PRDM16: variants seen among roughly 807,000 people sequenced by gnomAD.
The protein encoded by PRDM16 is PR/SET domain 16, also known as histone-lysine N-methyltransferase PRDM16.
A neutral mutation model predicts 110.6 loss-of-function variants in PRDM16; 23 were observed. That is an observed-to-expected ratio of 0.21 (90% CI 0.15 to 0.29). The LOEUF is 0.29. Ranked by LOEUF, PRDM16 falls within the 10% of genes least tolerant of loss-of-function variation. The pLI, the probability that PRDM16 is intolerant of heterozygous loss-of-function variation, is 1.00. For missense variants in PRDM16, 1,615 were observed against 1,794.3 expected, an observed-to-expected ratio of 0.90 and a Z score of 1.81; for synonymous variants, 799 against 781.8, an observed-to-expected ratio of 1.02 and a Z score of -0.37.
At chr1:3,197,434 C>T (rs963431037) in intron 2 of PRDM16, among the ~76,000 whole-genome samples, 12 of 152,220 alleles carry the variant, frequency 7.9e-5, no homozygotes, top group African/African-American at 2.7e-4. Context: ...CCTAGAGGAG[C>T]GTGCCCCATG....
At chr1:3,325,532 C>T (rs1420870199) in intron 3 of PRDM16, among the ~76,000 whole-genome samples, 4 of 152,220 alleles carry the variant, frequency 2.6e-5, no homozygotes, top group East Asian at 3.8e-4. Context: ...GTGCCCTGGG[C>T]GGCTCTCAGG....
At chr1:3,105,497 CCTT>C (rs1373109404) in intron 1 of PRDM16, among the ~76,000 whole-genome samples, 1 of 152,232 alleles carries the variant, frequency 6.6e-6, no homozygotes, top group Non-Finnish European at 1.5e-5. Flanking sequence ...GAAAGGGAAC[CCTT>C]GGACGGTCAC....
At chr1:3,200,579 T>C (rs1638597710) in intron 2 of PRDM16, among the ~76,000 whole-genome samples, 1 of 152,228 alleles carries the variant, frequency 6.6e-6, no homozygotes, top group African/African-American at 2.4e-5. Context: ...TCTGACCCTG[T>C]GATCTGCCCG....
chr1:3,334,073 A>G (rs1158283426), intron 3 of PRDM16, among the ~76,000 whole-genome samples: 1 of 152,248 alleles, frequency 6.6e-6, no homozygotes, highest in Non-Finnish European at 1.5e-5. Context: ...GACCTGGCAC[A>G]GGATTTATTT....
intron 1 of PRDM16, among the ~76,000 whole-genome samples, chr1:3,150,676 C>G (rs1294369082): frequency 6.6e-6 from 1 of 152,180 alleles, no homozygotes; most frequent in Non-Finnish European, 1.5e-5. Flanking sequence ...ATCTCTGGTG[C>G]ACACCTGCCC....
At position 3,399,828 on chromosome 1, in the gene PRDM16, A is replaced by G. The variant is rs149459427; in HGVS notation, c.677-2963A>G. Reference sequence around the variant, plus strand: ...ATGATTGTTCTTCATTGGGTCCAGAAAGAGTAAAATAAAAGCTGGCATTTC... The same window carrying G: ...ATGATTGTTCTTCATTGGGTCCAGAGAGAGTAAAATAAAAGCTGGCATTTC... On this transcript the variant is annotated intron_variant, in intron 5 of 16. Coordinates refer to ENST00000270722, the MANE Select transcript of PRDM16 (RefSeq NM_022114.4). Among the ~76,000 whole-genome samples the G allele has an allele frequency of 1.3e-3, 196 of 152,330 alleles. 1 individual carries two copies. The highest frequency in any genetic ancestry group is 2.1e-3 in the Non-Finnish European group (141 of 68,028).
At chr1:3,203,590 C>G (rs10909898) in intron 2 of PRDM16, among the ~76,000 whole-genome samples, 14,031 of 152,180 alleles carry the variant, frequency 0.092, 875 homozygotes, top group Admixed American at 0.13. Context: ...CCCGGGGGGG[C>G]CAGGGTGTGG....
chr1:3,397,249 G>C (rs374869301), intron 5 of PRDM16, among the ~76,000 whole-genome samples: 120 of 152,364 alleles, frequency 7.9e-4, no homozygotes, highest in African/African-American at 2.6e-3. Flanking sequence ...GAGTCGCCCC[G>C]CTCTTCCAGA....
rs980911313 is a variant in PRDM16, at chr1:3,246,434, C to T, written c.438+2297C>T. On this transcript the variant is annotated intron_variant, in intron 3 of 16. Transcript: ENST00000270722. The surrounding 1 kb of genome is among the most constrained non-coding windows in gnomAD (Gnocchi z 5.2). ...ATGCACGAGACCCCCCACGGCACCG[C>T]CGCGACTGCAGGGAGCTCAGCGCAG... Among the ~76,000 whole-genome samples the T allele has an allele frequency of 3.9e-5, 6 of 152,218 alleles. No homozygotes were observed. The highest frequency in any genetic ancestry group is 1.5e-5 in the Non-Finnish European group (1 of 68,036).
intron 2 of PRDM16, among the ~76,000 whole-genome samples, chr1:3,200,482 A>C (rs896190260): frequency 2.6e-5 from 4 of 152,276 alleles, no homozygotes; most frequent in African/African-American, 7.2e-5. Context: ...AGCTGGGACT[A>C]CAGGCGCCCG....
intron 2 of PRDM16, among the ~76,000 whole-genome samples, chr1:3,222,322 T>C (rs1386557916): frequency 1.9e-4 from 29 of 152,026 alleles, no homozygotes; most frequent in Non-Finnish European, 3.5e-4. Flanking sequence ...TGAGATGTAT[T>C]TTCCAGCGTT....
rs1642539073 is a variant in PRDM16 at position 3,353,706 on chromosome 1, G to A, written c.439-31446G>A. On this transcript the variant is annotated intron_variant, in intron 3 of 16. Transcript: ENST00000270722. This position sits in a 1 kb window ranked among gnomAD's most constrained non-coding sequence, Gnocchi z 5.4. ...AGGACAATCCTAGCTCAGGCTGGTG[G>A]AGGTTTGGGGATGCCGAAGCAGCCA... 6.6e-6 allele frequency among the ~76,000 whole-genome samples: 1 copy of A among 152,206 alleles called. No homozygotes were observed. Among genetic ancestry groups the A allele is most frequent in the African/African-American group, 2.4e-5 (1 of 41,468 alleles).
rs1166763245 is a variant in PRDM16 at position 3,081,243 on chromosome 1, G to C, written c.37+11947G>C. ...TTACGGCGGCGGGACTTGGGTTCGA[G>C]GCCCCTCGCGGCTGTACCCCGAGTC... On this transcript the variant is annotated intron_variant, in intron 1 of 16. Coordinates refer to ENST00000270722, the MANE Select transcript of PRDM16 (RefSeq NM_022114.4). The surrounding 1 kb of genome is among the most constrained non-coding windows in gnomAD (Gnocchi z 4.6). 2.0e-5 allele frequency among the ~76,000 whole-genome samples: 3 copies of C among 152,232 alleles called. No homozygotes were observed. The highest frequency in any genetic ancestry group is 7.2e-5 in the African/African-American group (3 of 41,462).
At chr1:3,281,048 G>A (rs953028428) in intron 3 of PRDM16, among the ~76,000 whole-genome samples, 5 of 152,186 alleles carry the variant, frequency 3.3e-5, no homozygotes, top group Non-Finnish European at 7.3e-5. Context: ...GTTCAACACC[G>A]GGCAAGTCCC....
intron 3 of PRDM16, among the ~76,000 whole-genome samples, chr1:3,374,877 G>A (rs1304451647): frequency 6.6e-6 from 1 of 152,218 alleles, no homozygotes; most frequent in African/African-American, 2.4e-5. Flanking sequence ...GGAGCAGCCA[G>A]GCGGGGGAGC....
At chr1:3,219,340 G>T (rs919754893) in intron 2 of PRDM16, among the ~76,000 whole-genome samples, 2 of 152,248 alleles carry the variant, frequency 1.3e-5, no homozygotes, top group Non-Finnish European at 2.9e-5. Flanking sequence ...TCTAAAGAGG[G>T]TCAGGGCAGC....
rs1638764177 is a variant in PRDM16, at chr1:3,206,878, G to C, written c.387+20404G>C. ...CCTGGGACCTGTGCAGCTGGGTGGA[G>C]TAGAAAGGGATGAAAGGAGGAGGGG... On this transcript the variant is annotated intron_variant, in intron 2 of 16. Coordinates refer to ENST00000270722, the MANE Select transcript of PRDM16 (RefSeq NM_022114.4). The surrounding 1 kb of genome is among the most constrained non-coding windows in gnomAD (Gnocchi z 4.9). 6.6e-6 allele frequency: 1 copy of C among 152,540 alleles called. No individual in the cohort carries two copies. The highest frequency in any genetic ancestry group is 2.1e-4 in the South Asian group (1 of 4,834). The allele number at this position is 152,540 out of a possible 1,614,324, so 9.4% of individuals were successfully genotyped here.
At chr1:3,373,166 G>T (rs944402628) in intron 3 of PRDM16, among the ~76,000 whole-genome samples, 1 of 152,194 alleles carries the variant, frequency 6.6e-6, no homozygotes, top group Admixed American at 6.5e-5. Flanking sequence ...TTGGGAGCAC[G>T]GGGGTTAGGG....
intron 3 of PRDM16, among the ~76,000 whole-genome samples, chr1:3,334,939 G>A (rs142270479): frequency 1.0e-3 from 152 of 152,314 alleles, no homozygotes; most frequent in Middle Eastern, 3.4e-3. Flanking sequence ...GGCCATCCAC[G>A]CGTCCAACCC....
Sources: allele counts gnomAD v4.1 joint callset (sites outside exome capture counted in the v4.1 genomes callset), GRCh38; gene constraint gnomAD v4.1.1; non-coding constraint Gnocchi (gnomAD v3.1); transcripts MANE v1.5; gene names NCBI Gene and HGNC (gene_info 2026-07-23, HGNC 2026-07-21).